Variants in MCTP1 observed in about 807,000 individuals in gnomAD.
MCTP1 encodes multiple C2 and transmembrane domain-containing protein 1.
In MCTP1, 69 loss-of-function variants were observed where a neutral mutation model predicts 120.6. The observed-to-expected ratio is 0.57, with a 90% CI of 0.47 to 0.70. The LOEUF (loss-of-function observed/expected upper bound fraction) is 0.70. Ranked by LOEUF, MCTP1 falls within the 30% of genes least tolerant of loss-of-function variation. The probability of loss-of-function intolerance (pLI) is 0.00; values close to 1 mark genes in which losing one functional copy is unlikely to be tolerated. For missense variants in MCTP1, 1,203 were observed against 1,248.8 expected (o/e 0.96, Z 0.55); for synonymous variants, 529 against 493.1 (o/e 1.07, Z -0.96).
At chr5:95,095,676 C>G (rs1010936267) in intron 1 of MCTP1, among the ~76,000 whole-genome samples, 2 of 152,176 alleles carry the variant, frequency 1.3e-5, no homozygotes, top group Non-Finnish European at 2.9e-5. Flanking sequence ...TACACTGATT[C>G]TTTCAGTCAC....
At chr5:94,924,472 C>T (rs1055350231) in intron 6 of MCTP1, among the ~76,000 whole-genome samples, 1 of 152,032 alleles carries the variant, frequency 6.6e-6, no homozygotes, top group Non-Finnish European at 1.5e-5. Context: ...TACATTTCTA[C>T]AAAAAATTCC....
At chr5:94,754,032 T>C (rs550982061) in intron 19 of MCTP1, among the ~76,000 whole-genome samples, 6 of 152,184 alleles carry the variant, frequency 3.9e-5, no homozygotes, top group Non-Finnish European at 8.8e-5. Flanking sequence ...ATAAAATATA[T>C]CTTATTTACC....
At chr5:95,052,899 T>C (rs1746388612) in intron 1 of MCTP1, among the ~76,000 whole-genome samples, 1 of 152,192 alleles carries the variant, frequency 6.6e-6, no homozygotes, top group Admixed American at 6.5e-5. Flanking sequence ...ATCCTGGAGC[T>C]TTTCCTCAAT....
intron 17 of MCTP1, among the ~76,000 whole-genome samples, chr5:94,817,170 C>T (rs548954197): frequency 5.3e-5 from 8 of 152,108 alleles, no homozygotes; most frequent in Admixed American, 6.5e-5. Context: ...TTTGGGAGGC[C>T]GAGGCAGGCG....
At chr5:94,917,017 T>A (rs186251625) in intron 8 of MCTP1, among the ~76,000 whole-genome samples, 41 of 152,336 alleles carry the variant, frequency 2.7e-4, no homozygotes, top group Admixed American at 1.6e-3. Flanking sequence ...AATTTACTGA[T>A]TAGGGAAGCA....
In MCTP1 at chr5:94,706,335, T is replaced by A. The variant is rs1754582714; in HGVS notation, c.*1161A>T. 1 of 151,632 alleles carries A rather than the reference T, an allele frequency of 6.6e-6. No homozygotes were observed. The highest frequency in any genetic ancestry group is 2.1e-4 in the South Asian group (1 of 4,824). The allele number at this position is 151,632 out of a possible 1,614,324, so 9.4% of individuals were successfully genotyped here. On this transcript the variant is annotated 3_prime_UTR_variant, in exon 23 of 23. Transcript: ENST00000515393. ...ACTTTAAGAGTCTTGGGAATGCAAT[T>A]TTTAAGTATAGATTCTATGATAATA... is the stretch of plus-strand genomic sequence containing the variant.
chr5:95,208,904 C>T (rs1434744093), intron 1 of MCTP1, among the ~76,000 whole-genome samples: 14 of 152,156 alleles, frequency 9.2e-5, no homozygotes, highest in Admixed American at 9.2e-4. Context: ...TACCATCCAA[C>T]ACTATTTACC....
Position 94,703,954 on chromosome 5 carries a change from G to T in MCTP1, c.*3542C>A, listed in dbSNP as rs527269622. 6.9e-6 allele frequency: 1 copy of T among 145,656 alleles called. No homozygotes were observed. Among genetic ancestry groups the T allele is most frequent in the East Asian group, 2.0e-4 (1 of 4,998 alleles). 9.0% of individuals were successfully genotyped at this position (145,656 alleles called of 1,614,324 possible). On this transcript the variant is annotated 3_prime_UTR_variant, in exon 23 of 23. Coordinates refer to ENST00000515393, the MANE Select transcript of MCTP1 (RefSeq NM_024717.7). ...CTATTCAAATTGCCACTATATAAAAGAAACTGAGGTACCAGAGGGTAACAT... is the reference window on the plus strand; with the variant it reads ...CTATTCAAATTGCCACTATATAAAATAAACTGAGGTACCAGAGGGTAACAT...
At position 94,870,952 on chromosome 5, in the gene MCTP1, C is replaced by G; in HGVS notation, c.2161G>C (p.Ala721Pro). 6.2e-7 allele frequency: 1 copy of G among 1,613,098 alleles called. No homozygotes were observed. Among genetic ancestry groups the G allele is most frequent in the South Asian group, 1.1e-5 (1 of 91,066 alleles). The change falls in exon 15 of 23, where the codon GCC becomes CCC. Residue 721 changes from alanine to proline, a missense_variant. By Grantham distance (27) the Ala-to-Pro change is conservative. This residue lies in a region of MCTP1 where 740 missense variants were observed against 871.1 expected (regional missense o/e 0.85). Transcript: ENST00000515393. ...LLSIQNGEQK[A>P]YVLKNKQLTG... Reference sequence around the variant, plus strand: ...AGCTGCTTGTTTTTCAAGACGTAGGCTTTCTGTTCACCATTTTGAATCTGC... The same window carrying G: ...AGCTGCTTGTTTTTCAAGACGTAGGGTTTCTGTTCACCATTTTGAATCTGC...
intron 1 of MCTP1, among the ~76,000 whole-genome samples, chr5:95,142,621 C>T (rs371973774): frequency 6.6e-6 from 1 of 152,178 alleles, no homozygotes; most frequent in East Asian, 1.9e-4. Flanking sequence ...GAAAAGCTAA[C>T]CTTTAAATTA....
intron 1 of MCTP1, among the ~76,000 whole-genome samples, chr5:95,100,952 CTAAA>C (rs1756677099): frequency 6.6e-6 from 1 of 152,000 alleles, no homozygotes; most frequent in African/African-American, 2.4e-5. Flanking sequence ...CCAGGGATTC[CTAAA>C]TAAATGTCTG....
At chr5:94,991,725 A>G (rs529832652) in intron 2 of MCTP1, among the ~76,000 whole-genome samples, 6,698 of 151,908 alleles carry the variant, frequency 0.044, 280 homozygotes, top group East Asian at 0.087. Flanking sequence ...AATACAAAAA[A>G]AATTAGCCAG....
chr5:95,220,051 A>C (rs1753507386), intron 1 of MCTP1, among the ~76,000 whole-genome samples: 1 of 152,238 alleles, frequency 6.6e-6, no homozygotes, highest in East Asian at 1.9e-4. Flanking sequence ...TTCTTGAACT[A>C]ACTTGCAAAG....
chr5:94,920,832 A>C (rs1414573024), intron 7 of MCTP1, among the ~76,000 whole-genome samples: 1 of 152,028 alleles, frequency 6.6e-6, no homozygotes, highest in Non-Finnish European at 1.5e-5. Context: ...ATCTTCCTTC[A>C]GACACACTTT....
chr5:95,155,687 C>T (rs1745043470), intron 1 of MCTP1, among the ~76,000 whole-genome samples: 2 of 152,078 alleles, frequency 1.3e-5, no homozygotes, highest in South Asian at 4.1e-4. Context: ...CTGCACAGAC[C>T]TCAAAGCTAT....
At position 94,870,871 on chromosome 5, in the gene MCTP1, C is replaced by T; in HGVS notation, c.2241+1G>A. The stretch of plus-strand genomic sequence containing the variant: ...ACAAAAAAGCCAAAGTTAAGACTTA[C>T]AGCATTAAAAATCACATCTATTTCA... On this transcript the variant is annotated splice_donor_variant, in intron 15 of 22. Transcript: ENST00000515393. LOFTEE classifies it high-confidence loss of function. 2 of 1,603,656 alleles carry T rather than the reference C, an allele frequency of 1.2e-6. No individual in the cohort carries two copies. Among genetic ancestry groups the T allele is most frequent in the Non-Finnish European group, 1.7e-6 (2 of 1,170,768 alleles).
intron 2 of MCTP1, among the ~76,000 whole-genome samples, chr5:94,990,546 C>T (rs1054228937): frequency 2.6e-5 from 4 of 152,180 alleles, no homozygotes; most frequent in Non-Finnish European, 5.9e-5. Context: ...TCAAGGAGGG[C>T]TCCAGTCCCT....
intron 1 of MCTP1, among the ~76,000 whole-genome samples, chr5:95,130,274 G>A (rs929300968): frequency 8.5e-5 from 13 of 152,194 alleles, no homozygotes; most frequent in African/African-American, 2.2e-4. Context: ...TAAGAAAAAC[G>A]TGTCTCCTAT....
At chr5:94,910,186 GTGCATACATA>G (rs1561843173) in intron 9 of MCTP1, among the ~76,000 whole-genome samples, 22 of 150,888 alleles carry the variant, frequency 1.5e-4, no homozygotes, top group Non-Finnish European at 1.2e-4. Flanking sequence ...ATATGTATGT[GTGCATACATA>G]TATGTATATA....
Sources: allele counts gnomAD v4.1 joint callset (sites outside exome capture counted in the v4.1 genomes callset), GRCh38; gene constraint gnomAD v4.1.1; regional missense constraint gnomAD v4.1.1; transcripts MANE v1.5; gene names NCBI Gene and HGNC (gene_info 2026-07-23, HGNC 2026-07-21).